The following MINPP1 variants were observed in gnomAD, a reference collection of about 807,000 sequenced individuals.
MINPP1 encodes multiple inositol polyphosphate phosphatase 1.
A neutral mutation model predicts 46.1 loss-of-function variants in MINPP1; 28 were observed. That is an observed-to-expected ratio of 0.61 (90% confidence interval 0.45 to 0.83). The LOEUF (loss-of-function observed/expected upper bound fraction) is 0.83, where lower values mean the gene tolerates loss of function less well. Among genes scored for constraint, MINPP1 ranks in the 40% least tolerant of loss-of-function variants. The pLI, the probability that MINPP1 is intolerant of heterozygous loss-of-function variation, is 0.00. For missense variants in MINPP1, 603 were observed against 610.0 expected (o/e 0.99, Z 0.12); for synonymous variants, 268 against 249.1 (o/e 1.08, Z -0.72).
At chr10:87,551,996 AG>A (rs1851969751) in intron 4 of MINPP1, 85 bp from the exon 5 acceptor site, 1 of 1,031,286 alleles carries the variant, frequency 9.7e-7, no homozygotes, top group Non-Finnish European at 1.4e-6. Context: ...AACTAAAAAA[AG>A]ATGTGGAAGT....
Position 87,552,012 on chromosome 10 carries a change from C to T in MINPP1, c.1068-70C>T. 51 of 1,215,690 alleles carry T rather than the reference C, an allele frequency of 4.2e-5. No individual in the cohort carries two copies. The South Asian group carries it at 7.7e-4, about 18-fold the overall frequency. 75.3% of individuals were successfully genotyped at this position (1,215,690 alleles called of 1,614,324 possible). On this transcript the variant is annotated intron_variant, in intron 4 of 4. Coordinates refer to ENST00000371996, the MANE Select transcript of MINPP1 (RefSeq NM_004897.5). ...ACTAAAAAAAGATGTGGAAGTTACT[C>T]CTAAGTGTAAATACTATGTTCTATG...
chr10:87,512,767 G>A (rs964855833), intron 2 of MINPP1, among the ~76,000 whole-genome samples: 1 of 151,946 alleles, frequency 6.6e-6, no homozygotes, highest in African/African-American at 2.4e-5. Flanking sequence ...CCAGGAATCC[G>A]AGTTTGCAGT....
chr10:87,530,271 TGGA>T (rs1448956551), intron 4 of MINPP1, among the ~76,000 whole-genome samples: 1 of 152,234 alleles, frequency 6.6e-6, no homozygotes, highest in African/African-American at 2.4e-5. Context: ...TGTGTTTCTT[TGGA>T]GGAGAAGAGG....
At chr10:87,513,756 C>T (rs1851369872) in intron 3 of MINPP1, among the ~76,000 whole-genome samples, 3 of 152,090 alleles carry the variant, frequency 2.0e-5, no homozygotes, top group South Asian at 2.1e-4. Context: ...CCTATTGGTG[C>T]TCTAACAAGT....
At chr10:87,537,969 TTTTA>T in intron 4 of MINPP1, among the ~76,000 whole-genome samples, 1 of 151,786 alleles carries the variant, frequency 6.6e-6, no homozygotes, top group East Asian at 1.9e-4. Flanking sequence ...TGGAACTTAT[TTTTA>T]TTTATTTATT....
chr10:87,548,970 G>A (rs1851926362), intron 4 of MINPP1, among the ~76,000 whole-genome samples: 1 of 152,118 alleles, frequency 6.6e-6, no homozygotes, highest in Non-Finnish European at 1.5e-5. Context: ...AAACAAATTG[G>A]ATTCATCAAA....
rs994526726 is a variant in MINPP1 at position 87,535,920 on chromosome 10, C to A, written c.1067+14751C>A. Among the ~76,000 whole-genome samples the A allele has an allele frequency of 2.0e-5, 3 of 149,384 alleles. No homozygotes were observed. In the Admixed American group the frequency reaches 2.0e-4, roughly 10 times the overall value. ...CTCCAGCTTGGGCAACAGAGCAAGA[C>A]CCTGTCTCTAAATAAATAAATAAAT... On this transcript the variant is annotated intron_variant, in intron 4 of 4. Coordinates refer to ENST00000371996, the MANE Select transcript of MINPP1 (RefSeq NM_004897.5).
Position 87,505,020 on chromosome 10 carries a change from G to A in MINPP1, c.105G>A (p.Pro35=). The change falls in exon 1 of 5, where the codon CCG becomes CCA. Residue 35 remains proline, a synonymous_variant. Coordinates refer to ENST00000371996, the MANE Select transcript of MINPP1 (RefSeq NM_004897.5). The surrounding 1 kb of genome is among the most constrained non-coding windows in gnomAD (Gnocchi z 4.4). ...TTGCGCGCTGCTCTCTTCTAGAGCC[G>A]AGGGACCCGGTGGCCTCGTCGCTCA... ...SSLARCSLLE[P]RDPVASSLSP... The A allele has an allele frequency of 6.2e-7, 1 of 1,613,126 alleles. No homozygotes were observed. Among genetic ancestry groups the A allele is most frequent in the Non-Finnish European group, 8.5e-7 (1 of 1,179,894 alleles).
chr10:87,548,514 C>T (rs1430329973), intron 4 of MINPP1, among the ~76,000 whole-genome samples: 2 of 152,048 alleles, frequency 1.3e-5, no homozygotes, highest in African/African-American at 4.8e-5. Flanking sequence ...CATCAGCTAG[C>T]GGCTTTTTCT....
Position 87,508,386 on chromosome 10 carries a change from G to T in MINPP1, c.688G>T (p.Asp230Tyr). The change falls in exon 2 of 5, where the codon GAT becomes TAT. Residue 230 changes from aspartate (D) to tyrosine (Y), a missense_variant. Physicochemically the swap from Asp to Tyr is radical, Grantham distance 160. Around this residue, in one of 3 missense-constraint regions of MINPP1, gnomAD observed 344 missense variants for 381.1 expected, o/e 0.90. Transcript: ENST00000371996. ...TAATGATAAACTAATGAGATTTTTT[G>T]ATCACTGTGAGAAGTTTTTAACTGA... ...TVNDKLMRFF[D>Y]HCEKFLTEVE... 1.9e-6 allele frequency: 3 copies of T among 1,612,690 alleles called. No homozygotes were observed. The highest frequency in any genetic ancestry group is 2.2e-5 in the South Asian group (2 of 90,686).
At chr10:87,510,880 T>C (rs965879001) in intron 2 of MINPP1, among the ~76,000 whole-genome samples, 1 of 152,266 alleles carries the variant, frequency 6.6e-6, no homozygotes, top group Non-Finnish European at 1.5e-5. Context: ...TAAATTGTTC[T>C]CTGAAGGTGT....
rs771000660 is a variant in MINPP1 at position 87,552,568 on chromosome 10, C to A, written c.*90C>A. 2.8e-5 allele frequency: 36 copies of A among 1,282,576 alleles called. No homozygotes were observed. Among genetic ancestry groups the A allele is most frequent in the Non-Finnish European group, 3.9e-5 (35 of 899,026 alleles). 79.4% of individuals were successfully genotyped at this position (1,282,576 alleles called of 1,614,324 possible). A position where few individuals can be genotyped will look rare whatever the true frequency, so the allele number is the denominator to read the frequency against. On this transcript the variant is annotated 3_prime_UTR_variant, in exon 5 of 5. Transcript: ENST00000371996. ...TAGGCAATTCCTTGATTACAGGAAG[C>A]TTTTATATTACTTGAGTATTTCTGT...
intron 4 of MINPP1, among the ~76,000 whole-genome samples, chr10:87,540,378 C>T (rs180706764): frequency 4.7e-4 from 71 of 152,060 alleles, no homozygotes; most frequent in African/African-American, 1.7e-3. Context: ...AGAAGGAATT[C>T]GTTTCACATT....
At chr10:87,531,832 C>T (rs1851664573) in intron 4 of MINPP1, among the ~76,000 whole-genome samples, 1 of 151,980 alleles carries the variant, frequency 6.6e-6, no homozygotes, top group Non-Finnish European at 1.5e-5. Flanking sequence ...AGACTTGGGT[C>T]CCATCCCCAA....
chr10:87,511,374 C>T (rs753484057), intron 2 of MINPP1, among the ~76,000 whole-genome samples: 32 of 152,042 alleles, frequency 2.1e-4, no homozygotes, highest in Non-Finnish European at 4.1e-4. Context: ...ATCCTCCCAC[C>T]GCAAGATTAT....
chr10:87,547,002 T>C (rs969766616), intron 4 of MINPP1, among the ~76,000 whole-genome samples: 1 of 152,310 alleles, frequency 6.6e-6, no homozygotes, highest in South Asian at 2.1e-4. Flanking sequence ...TTTTGCCAAA[T>C]TGCATGTTGC....
chr10:87,530,609 C>T (rs545442607), intron 4 of MINPP1, among the ~76,000 whole-genome samples: 1 of 152,262 alleles, frequency 6.6e-6, no homozygotes, highest in Admixed American at 6.5e-5. Context: ...TCAGTCGGCC[C>T]CTACTGGGAG....
Position 87,505,163 on chromosome 10 carries a change from T to C in MINPP1, c.248T>C (p.Leu83Pro). 1 of 1,610,266 alleles carries C rather than the reference T, an allele frequency of 6.2e-7. No homozygotes were observed. Among genetic ancestry groups the C allele is most frequent in the Non-Finnish European group, 8.5e-7 (1 of 1,178,478 alleles). ...GAGGGGACCTGCACCCCGGTGCAGC[T>C]GGTCGCCCTCATTCGCCACGGCACC... ...LLEGTCTPVQ[L>P]VALIRHGTRY... The change falls in exon 1 of 5, where the codon CTG (leucine) becomes CCG (proline). Residue 83 changes from leucine to proline, a missense_variant. Leu to Pro is a moderately conservative substitution (Grantham distance 98). Coordinates refer to ENST00000371996, the MANE Select transcript of MINPP1 (RefSeq NM_004897.5). The surrounding 1 kb of genome is among the most constrained non-coding windows in gnomAD (Gnocchi z 4.4).
chr10:87,534,340 G>T (rs1322025614), intron 4 of MINPP1, among the ~76,000 whole-genome samples: 1 of 152,080 alleles, frequency 6.6e-6, no homozygotes, highest in African/African-American at 2.4e-5. Context: ...CAGGATTACA[G>T]GGGTGAGCCA....
Sources: gnomAD v4.1 joint callset for allele counts (sites outside exome capture counted in the v4.1 genomes callset) on GRCh38, gnomAD v4.1.1 for gene constraint, gnomAD v4.1.1 regional missense constraint, Gnocchi (gnomAD v3.1) non-coding constraint, MANE v1.5 for transcripts, NCBI Gene and HGNC (gene_info 2026-07-23, HGNC 2026-07-21) for gene names.